The following DOK6 variants were observed in gnomAD, a reference collection of about 807,000 sequenced individuals.
The protein encoded by DOK6 is docking protein 6, also known as downstream of tyrosine kinase 6.
DOK6 carries 22 observed loss-of-function variants against 44.0 expected under a neutral mutation model. The observed-to-expected ratio is 0.50, with a 90% CI of 0.36 to 0.71. The LOEUF is 0.71. DOK6 is among the 30% of genes least tolerant of loss of function. The probability of loss-of-function intolerance (pLI) is 0.00; values close to 1 mark genes in which losing one functional copy is unlikely to be tolerated. For missense variants in DOK6, 340 were observed against 416.4 expected (o/e 0.82, Z 1.60); for synonymous variants, 166 against 145.5 (o/e 1.14, Z -1.01).
intron 1 of DOK6, among the ~76,000 whole-genome samples, chr18:69,528,828 T>A (rs1248772562): frequency 1.3e-5 from 2 of 152,196 alleles, no homozygotes; most frequent in East Asian, 1.9e-4. Context: ...TGACTGTGCT[T>A]ATGTTTTTAC....
chr18:69,532,888 T>C (rs1290373580), intron 1 of DOK6: 1 of 152,082 alleles, frequency 6.6e-6, no homozygotes, highest in Non-Finnish European at 1.5e-5. Flanking sequence ...TTTATGGAAA[T>C]AAAACTGCTT....
chr18:69,558,691 A>G (rs1228674670), intron 1 of DOK6, among the ~76,000 whole-genome samples: 1 of 152,136 alleles, frequency 6.6e-6, no homozygotes, highest in Non-Finnish European at 1.5e-5. Context: ...AGACTTCCAA[A>G]CTGTTTAGGT....
intron 5 of DOK6, among the ~76,000 whole-genome samples, chr18:69,713,821 A>G (rs931520146): frequency 6.6e-6 from 1 of 152,170 alleles, no homozygotes; most frequent in African/African-American, 2.4e-5. Flanking sequence ...AGGATGGTAG[A>G]TCTGCATTGG....
Position 69,434,954 on chromosome 18 carries a change from G to GGGAGGGAA in DOK6, c.66+33647_66+33648insGGGAAGGA, listed in dbSNP as rs1366849019. On this transcript the variant is annotated intron_variant, in intron 1 of 7. Coordinates refer to ENST00000382713, the MANE Select transcript of DOK6 (RefSeq NM_152721.6). ...AGGGAGGGAGGGAGGGAGGGAGGGA[G>GGGAGGGAA]GGAAGGAAGGAAGGAAGGAAGGAAG... is the stretch of plus-strand genomic sequence containing the variant. Among the ~76,000 whole-genome samples the GGGAGGGAA allele has an allele frequency of 4.1e-4, 26 of 62,972 alleles. 1 individual carries two copies. Among genetic ancestry groups the GGGAGGGAA allele is most frequent in the Admixed American group, 6.0e-4 (3 of 5,020 alleles). 41.3% of individuals were successfully genotyped at this position (62,972 alleles called of 152,430 possible).
intron 7 of DOK6, among the ~76,000 whole-genome samples, chr18:69,765,691 A>G (rs1979693228): frequency 6.6e-6 from 1 of 152,166 alleles, no homozygotes; most frequent in African/African-American, 2.4e-5. Context: ...TGAAGATGTT[A>G]CCCCTAGAGG....
chr18:69,778,557 T>G (rs2145086986), intron 7 of DOK6, among the ~76,000 whole-genome samples: 1 of 152,324 alleles, frequency 6.6e-6, no homozygotes, highest in South Asian at 2.1e-4. Context: ...ACTACATGGC[T>G]GGCTTATAAA....
At chr18:69,603,394 A>T (rs1275145318) in intron 3 of DOK6, among the ~76,000 whole-genome samples, 2 of 152,300 alleles carry the variant, frequency 1.3e-5, no homozygotes, top group East Asian at 3.9e-4. Context: ...CAGTCTATAG[A>T]TCATGTAAAA....
intron 2 of DOK6, among the ~76,000 whole-genome samples, chr18:69,575,709 G>C (rs186627508): frequency 6.6e-6 from 1 of 152,104 alleles, no homozygotes; most frequent in African/African-American, 2.4e-5. Flanking sequence ...TCAATACTAT[G>C]TAACTATACT....
chr18:69,596,231 T>A (rs1398357326), intron 2 of DOK6, among the ~76,000 whole-genome samples: 1 of 152,058 alleles, frequency 6.6e-6, no homozygotes, highest in African/African-American at 2.4e-5. Context: ...ATTGGCCCCA[T>A]ATGTGAAGTA....
chr18:69,559,822 C>G lies in DOK6; in HGVS notation c.67-4665C>G, dbSNP rs575993191. 3.3e-5 allele frequency among the ~76,000 whole-genome samples: 5 copies of G among 152,248 alleles called. No homozygotes were observed. In the South Asian group the frequency reaches 1.0e-3, roughly 32 times the overall value. ...TGGCTTGCACATGGCCACATTCTCA[C>G]TGTGTGCTCATGTGACCTCTTCCTT... On this transcript the variant is annotated intron_variant, in intron 1 of 7. Coordinates refer to ENST00000382713, the MANE Select transcript of DOK6 (RefSeq NM_152721.6).
intron 6 of DOK6, among the ~76,000 whole-genome samples, chr18:69,748,021 C>G (rs560239850): frequency 2.6e-5 from 4 of 152,136 alleles, no homozygotes; most frequent in African/African-American, 9.6e-5. Context: ...CAAAGACACA[C>G]ATAGACTCAA....
At chr18:69,433,545 T>C (rs950719376) in intron 1 of DOK6, among the ~76,000 whole-genome samples, 1 of 152,074 alleles carries the variant, frequency 6.6e-6, no homozygotes, top group African/African-American at 2.4e-5. Context: ...TACATCTAAG[T>C]CTCATGCTCT....
chr18:69,625,274 C>A (rs75645618), intron 3 of DOK6, among the ~76,000 whole-genome samples: 2,224 of 152,138 alleles, frequency 0.015, 42 homozygotes, highest in African/African-American at 0.051. Context: ...CATGAGTTAA[C>A]ACCCTAAGAG....
At chr18:69,704,475 CTT>C (rs10685670) in intron 5 of DOK6, among the ~76,000 whole-genome samples, 3,174 of 107,088 alleles carry the variant, frequency 0.03, 48 homozygotes, top group Middle Eastern at 0.099. Context: ...CCAGATATGA[CTT>C]TTTTTTTTTT....
At chr18:69,771,622 G>A (rs142836107) in intron 7 of DOK6, among the ~76,000 whole-genome samples, 11 of 151,748 alleles carry the variant, frequency 7.2e-5, no homozygotes, top group East Asian at 3.9e-4. Flanking sequence ...TTTACAGAGC[G>A]CAAAATCACT....
At chr18:69,830,713 G>C (rs762240437) in intron 7 of DOK6, among the ~76,000 whole-genome samples, 1 of 152,186 alleles carries the variant, frequency 6.6e-6, no homozygotes, top group African/African-American at 2.4e-5. Context: ...TTGAAGGAAC[G>C]TGAATCAAGT....
chr18:69,458,116 C>A (rs142249692), intron 1 of DOK6, among the ~76,000 whole-genome samples: 50 of 152,292 alleles, frequency 3.3e-4, no homozygotes, highest in Non-Finnish European at 6.0e-4. Context: ...CAAGGTCATG[C>A]CATTGCACTC....
chr18:69,747,599 T>TCCCCCCCCCCCCCCCCCCCC (rs934624120), intron 6 of DOK6, among the ~76,000 whole-genome samples: 1 of 148,162 alleles, frequency 6.7e-6, no homozygotes, highest in African/African-American at 2.6e-5. Flanking sequence ...CTCCGCCCCC[T>TCCCCCCCCCCCCCCCCCCCC]CCCCCCCACA....
chr18:69,665,299 T>A (rs1347464549), intron 3 of DOK6, among the ~76,000 whole-genome samples: 2 of 152,200 alleles, frequency 1.3e-5, no homozygotes, highest in Non-Finnish European at 1.5e-5. Flanking sequence ...CCAGTCCAGA[T>A]GTGACTCTTT....
Sources: allele counts gnomAD v4.1 joint callset (sites outside exome capture counted in the v4.1 genomes callset), GRCh38; gene constraint gnomAD v4.1.1; transcripts MANE v1.5; gene names NCBI Gene and HGNC (gene_info 2026-07-23, HGNC 2026-07-21).